The following CDH23 variants were observed in gnomAD, a reference collection of about 807,000 sequenced individuals.
CDH23 encodes cadherin-23.
In CDH23, 189 loss-of-function variants were observed where a neutral mutation model predicts 317.1. The ratio of observed to expected loss-of-function variants is 0.60; its 90% CI spans 0.53 to 0.67. The LOEUF is 0.67. Ranked by LOEUF, CDH23 falls within the 30% of genes least tolerant of loss-of-function variation. The pLI is 0.00. For missense variants in CDH23, 4,401 were observed against 4,592.4 expected (o/e 0.96, Z 1.20); for synonymous variants, 1,839 against 1,876.8 (o/e 0.98, Z 0.52).
rs576240792 is a variant in CDH23 at position 71,806,083 on chromosome 10, T to C, written c.8065-85T>C. ...GTCTTGCACCTCGCCTCCTGGAAAGTCCCTAGGGGAACTGGCCACCGGGAA... is the reference window on the plus strand; with the variant it reads ...GTCTTGCACCTCGCCTCCTGGAAAGCCCCTAGGGGAACTGGCCACCGGGAA... On this transcript the variant is annotated intron_variant, in intron 56 of 69. Coordinates refer to ENST00000224721, the MANE Select transcript of CDH23 (RefSeq NM_022124.6). 2,550 of 1,532,498 alleles carry C rather than the reference T, an allele frequency of 1.7e-3. 7 individuals carry two copies. The highest frequency in any genetic ancestry group is 2.4e-3 in the Admixed American group (120 of 50,768). The allele number at this position is 1,532,498 out of a possible 1,614,324, so 94.9% of individuals were successfully genotyped here.
At chr10:71,739,853 C>G in intron 36 of CDH23, 81 bp downstream of exon 36, 1 of 1,455,932 alleles carries the variant, frequency 6.9e-7, no homozygotes, top group East Asian at 2.4e-5. Flanking sequence ...AGGAGAGAGC[C>G]TGTCCATCAG....
At chr10:71,414,510 A>T (rs1848459349) in intron 1 of CDH23, among the ~76,000 whole-genome samples, 1 of 152,212 alleles carries the variant, frequency 6.6e-6, no homozygotes, top group Admixed American at 6.5e-5. Flanking sequence ...AATAAATCCA[A>T]CTTTGTCATG....
Position 71,441,355 on chromosome 10 carries a change from G to A in CDH23, c.67+1457G>A, listed in dbSNP as rs550032242. On this transcript the variant is annotated intron_variant, in intron 2 of 69. Coordinates refer to ENST00000224721, the MANE Select transcript of CDH23 (RefSeq NM_022124.6). ...TCAGGACACTTTCTTCAGCCTCCCC[G>A]GGGACTCTGCCACCTGGGATCCACC... Among the ~76,000 whole-genome samples, 20 of 152,134 alleles carry A rather than the reference G, an allele frequency of 1.3e-4. No individual in the cohort carries two copies. The South Asian group carries it at 2.7e-3, about 21-fold the overall frequency.
chr10:71,568,298 T>C (rs719386), intron 7 of CDH23, among the ~76,000 whole-genome samples: 17,373 of 152,232 alleles, frequency 0.11, 1,193 homozygotes, highest in East Asian at 0.28. Flanking sequence ...CACATTTGCC[T>C]GCACCTTCCA....
intron 28 of CDH23, 86 bp from the exon 29 acceptor site, chr10:71,723,959 T>G (rs1866687484): frequency 6.8e-7 from 1 of 1,466,838 alleles, no homozygotes; most frequent in Non-Finnish European, 9.3e-7. Flanking sequence ...GTAGGATGCG[T>G]GAAGGGAAGG....
chr10:71,607,841 T>C (rs1589257413), intron 9 of CDH23, among the ~76,000 whole-genome samples: 1 of 152,194 alleles, frequency 6.6e-6, no homozygotes, highest in Non-Finnish European at 1.5e-5. Flanking sequence ...AGGTTAAGTC[T>C]GCAGTGAGCT....
At position 71,694,132 on chromosome 10, in the gene CDH23, T is replaced by C. The variant is rs754445967; in HGVS notation, c.2177-15T>C. 6 of 1,515,416 alleles carry C rather than the reference T, an allele frequency of 4.0e-6. No homozygotes were observed. Among genetic ancestry groups the C allele is most frequent in the Non-Finnish European group, 5.4e-6 (6 of 1,103,854 alleles). 93.9% of individuals were successfully genotyped at this position (1,515,416 alleles called of 1,614,324 possible). A position where few individuals can be genotyped will look rare whatever the true frequency, so the allele number is the denominator to read the frequency against. On this transcript the variant is annotated splice_polypyrimidine_tract_variant and intron_variant, in intron 20 of 69. Transcript: ENST00000224721. ...CACCCAAACCCTCTCACGCACCCAC[T>C]TCTCTCTCTGGCAGGGGAAATCACC...
chr10:71,578,696 C>T (rs901368578), intron 9 of CDH23, among the ~76,000 whole-genome samples: 1 of 142,272 alleles, frequency 7.0e-6, no homozygotes, highest in African/African-American at 2.7e-5. Context: ...AGGCTGCTCG[C>T]CCACAGACTC....
In CDH23 at chr10:71,803,064, G is replaced by A; in HGVS notation, c.7649G>A (p.Gly2550Asp). 1 of 1,609,992 alleles carries A rather than the reference G, an allele frequency of 6.2e-7. No homozygotes were observed. Among genetic ancestry groups the A allele is most frequent in the Non-Finnish European group, 8.5e-7 (1 of 1,176,630 alleles). The change falls in exon 54 of 70, where the codon GGC becomes GAC. Residue 2550 changes from glycine to aspartate, a missense_variant. By Grantham distance (94) the Gly-to-Asp change is moderately conservative. Transcript: ENST00000224721. ...PNGELTYSLE[G>D]PGVEAFHVDM... ...GGAGAGTTGACCTACTCACTTGAGG[G>A]CCCTGGCGTGGGTATGTGGCCTTCC...
In CDH23 at chr10:71,709,008, T is replaced by A. The variant is rs548639341; in HGVS notation, c.3107-90T>A. The A allele has an allele frequency of 3.7e-5, 43 of 1,165,978 alleles. 2 individuals are homozygous for A. The South Asian group carries it at 5.3e-4, about 14-fold the overall frequency. The allele number at this position is 1,165,978 out of a possible 1,614,324, so 72.2% of individuals were successfully genotyped here. ...CAGCCTCCCACTCCTGGACTCACCA[T>A]CGCGGGTCCCAGCTCAGGAGCAGAG... On this transcript the variant is annotated intron_variant, in intron 26 of 69. Transcript: ENST00000224721.
intron 25 of CDH23, among the ~76,000 whole-genome samples, chr10:71,706,076 G>A (rs1445767169): frequency 2.0e-5 from 3 of 152,094 alleles, no homozygotes; most frequent in African/African-American, 7.2e-5. Flanking sequence ...CTTTAAGAGA[G>A]GACCCCTGGA....
chr10:71,781,944 G>T (rs989114205), intron 41 of CDH23, among the ~76,000 whole-genome samples: 6 of 152,306 alleles, frequency 3.9e-5, no homozygotes, highest in South Asian at 2.1e-4. Flanking sequence ...GGTTCATGTT[G>T]GTCACTGAAG....
chr10:71,785,593 A>G (rs1428198065), intron 43 of CDH23, 38 bp from the exon 44 acceptor site: 1 of 1,320,278 alleles, frequency 7.6e-7, no homozygotes, highest in Non-Finnish European at 1.1e-6. Context: ...AAAGCAGGGA[A>G]AAGGTCTCCA....
At chr10:71,482,459 C>T (rs1237964393) in intron 3 of CDH23, among the ~76,000 whole-genome samples, 2 of 152,166 alleles carry the variant, frequency 1.3e-5, no homozygotes, top group Non-Finnish European at 2.9e-5. Context: ...AAAGTTGATG[C>T]CAGAAGTTTC....
intron 6 of CDH23, among the ~76,000 whole-genome samples, chr10:71,533,009 G>A (rs1564636624): frequency 6.6e-6 from 1 of 152,168 alleles, no homozygotes; most frequent in Non-Finnish European, 1.5e-5. Context: ...TGGGATTACA[G>A]GCGTGAGCCA....
At chr10:71,728,945 C>T (rs1866935901) in intron 30 of CDH23, among the ~76,000 whole-genome samples, 4 of 151,932 alleles carry the variant, frequency 2.6e-5, no homozygotes, top group Admixed American at 2.0e-4. Flanking sequence ...ATCCTCTTGC[C>T]TCCGCCTCCC....
At chr10:71,812,430 T>C in intron 66 of CDH23, 50 bp from the exon 67 acceptor site, 2 of 1,611,370 alleles carry the variant, frequency 1.2e-6, no homozygotes, top group East Asian at 2.2e-5. Flanking sequence ...AGGGCACCTG[T>C]CTACTCGAGC....
chr10:71,711,794 C>T (rs1449452943), intron 27 of CDH23: 1 of 152,182 alleles, frequency 6.6e-6, no homozygotes, highest in African/African-American at 2.4e-5. Context: ...GGCCCACATT[C>T]TGCCTGTCCG....
At chr10:71,651,832 G>A (rs1202605620) in intron 14 of CDH23, among the ~76,000 whole-genome samples, 1 of 152,216 alleles carries the variant, frequency 6.6e-6, no homozygotes, top group African/African-American at 2.4e-5. Flanking sequence ...GTTGGCAGAG[G>A]TGGTACCTAG....
Sources: gnomAD v4.1 joint callset for allele counts (sites outside exome capture counted in the v4.1 genomes callset) on GRCh38, gnomAD v4.1.1 for gene constraint, MANE v1.5 for transcripts, NCBI Gene and HGNC (gene_info 2026-07-23, HGNC 2026-07-21) for gene names.